Variants in FSCN2 observed in about 807,000 individuals in gnomAD.
FSCN2 encodes fascin actin-bundling protein 2, retinal.
Under a neutral mutation model 37.8 loss-of-function variants are expected in FSCN2, and 46 were observed. The ratio of observed to expected loss-of-function variants is 1.22; its 90% CI spans 0.96 to 1.56. FSCN2 has a LOEUF of 1.56. FSCN2 is among the 40% of genes most tolerant of loss of function. The pLI, the probability that FSCN2 is intolerant of heterozygous loss-of-function variation, is 0.00. For missense variants in FSCN2, 844 were observed against 730.4 expected (o/e 1.16, Z -1.79); for synonymous variants, 351 against 309.4 (o/e 1.13, Z -1.41).
intron 1 of FSCN2, among the ~76,000 whole-genome samples, chr17:81,531,272 GGCGGTGGTGAT>G (rs2032555044): frequency 1.1e-5 from 1 of 87,764 alleles, no homozygotes; most frequent in African/African-American, 6.1e-5. Flanking sequence ...TGGTGGTGAT[GGCGGTGGTGAT>G]GGTGATGGTG....
At chr17:81,523,010 T>C in the FSCN2 span, among the ~76,000 whole-genome samples, 1 of 152,194 alleles carries the variant, frequency 6.6e-6, no homozygotes, top group African/African-American at 2.4e-5. Context: ...CTTTTGTCCT[T>C]GCTGGGGTCC....
At chr17:81,528,296 C>T, upstream of FSCN2, 1 of 560,126 alleles carries the variant, frequency 1.8e-6, no homozygotes, top group Admixed American at 3.1e-5. Context: ...TCCTAAGCCG[C>T]ACGTCTCTGA....
intron 1 of FSCN2, among the ~76,000 whole-genome samples, chr17:81,531,679 TG>T (rs1568077882): frequency 7.3e-6 from 1 of 137,670 alleles, no homozygotes; most frequent in Non-Finnish European, 1.5e-5. Flanking sequence ...ATGGTGATGA[TG>T]ATGGTGATGA....
rs557443473 is a variant in FSCN2 at position 81,528,985 on chromosome 17, G to A, written c.454G>A (p.Val152Met). 29 of 1,584,490 alleles carry A rather than the reference G, an allele frequency of 1.8e-5. No homozygotes were observed. The Admixed American group carries it at 2.1e-4, about 11-fold the overall frequency. The change falls in exon 1 of 5, where the codon GTG (valine) becomes ATG (methionine). Residue 152 changes from valine (V) to methionine (M), a missense_variant. Physicochemically the swap from Val to Met is conservative, Grantham distance 21 (BLOSUM62 1). Transcript: ENST00000417245. The part of the protein sequence containing the change: ...HLLSVSRRRY[V>M]HLCPREDEMA... ...GCTGAGCGTGAGCCGGCGGCGCTACGTGCACCTGTGCCCGCGGGAGGACGA... is the reference window on the plus strand; with the variant it reads ...GCTGAGCGTGAGCCGGCGGCGCTACATGCACCTGTGCCCGCGGGAGGACGA...
intron 1 of FSCN2, 35 bp downstream of exon 1, chr17:81,529,392 T>TCCCA: frequency 2.0e-6 from 3 of 1,474,792 alleles, no homozygotes; most frequent in Non-Finnish European, 2.8e-6. Context: ...TCCTGAGGGG[T>TCCCA]GCTGGGACCC....
upstream of FSCN2, among the ~76,000 whole-genome samples, chr17:81,528,101 A>AG (rs1167600893): frequency 6.6e-6 from 1 of 151,678 alleles, no homozygotes; most frequent in East Asian, 1.9e-4. Flanking sequence ...GGGTTGGAGG[A>AG]GGGGGGCAGG....
Position 81,537,092 on chromosome 17 carries a change from G to C in FSCN2, c.*12G>C, listed in dbSNP as rs1227311790. ...TTTGGGAGTACTGAGGCCGCGCCCA[G>C]ACCAGCCTGTCGCGCATTAAAACCG... On this transcript the variant is annotated 3_prime_UTR_variant, in exon 5 of 5. Coordinates refer to ENST00000417245, the MANE Select transcript of FSCN2 (RefSeq NM_012418.4). The C allele has an allele frequency of 4.2e-6, 6 of 1,415,410 alleles. No individual in the cohort carries two copies. The highest frequency in any genetic ancestry group is 5.5e-6 in the Non-Finnish European group (6 of 1,091,328). 87.7% of individuals were successfully genotyped at this position (1,415,410 alleles called of 1,614,324 possible).
At chr17:81,516,386 A>G in the FSCN2 span, among the ~76,000 whole-genome samples, 1 of 152,250 alleles carries the variant, frequency 6.6e-6, no homozygotes. Flanking sequence ...AAGTTCTCCC[A>G]TAATAAAAAG....
At chr17:81,524,200 G>A (rs545126846), upstream of FSCN2, among the ~76,000 whole-genome samples, 12 of 152,362 alleles carry the variant, frequency 7.9e-5, 1 homozygote, top group African/African-American at 2.9e-4. Flanking sequence ...TGCCCAGCTG[G>A]CCCCGCACTG....
At chr17:81,520,818 A>G in the FSCN2 span, among the ~76,000 whole-genome samples, 1 of 151,728 alleles carries the variant, frequency 6.6e-6, no homozygotes, top group Non-Finnish European at 1.5e-5. Flanking sequence ...TATCTTGGCT[A>G]CTTCCTAGGC....
At chr17:81,528,234 G>A (rs1304376846), upstream of FSCN2, among the ~76,000 whole-genome samples, 3 of 152,216 alleles carry the variant, frequency 2.0e-5, no homozygotes, top group Admixed American at 6.5e-5. Context: ...TCTGGGCTCT[G>A]TGCAATCCGG....
chr17:81,527,951 G>A (rs1292753416), upstream of FSCN2, among the ~76,000 whole-genome samples: 2 of 152,340 alleles, frequency 1.3e-5, no homozygotes, highest in African/African-American at 4.8e-5. Context: ...AATCAGAGAA[G>A]CAGTAACTGG....
Position 81,537,011 on chromosome 17 carries a change from C to G in FSCN2, c.1410C>G (p.Arg470=). The change falls in exon 5 of 5, where the codon CGC becomes CGG. Residue 470 remains arginine, a synonymous_variant. Transcript: ENST00000417245. Reference sequence around the variant, plus strand: ...GCGCCCGGAGCGGCAAGTACCTGCGCGGCGGCGCCTCGGGCCTGCTGCGGG... The same window carrying G: ...GCGCCCGGAGCGGCAAGTACCTGCGGGGCGGCGCCTCGGGCCTGCTGCGGG... ...AIRARSGKYL[R]GGASGLLRAD... 1 of 1,507,366 alleles carries G rather than the reference C, an allele frequency of 6.6e-7. No individual in the cohort carries two copies. Among genetic ancestry groups the G allele is most frequent in the Non-Finnish European group, 8.8e-7 (1 of 1,134,640 alleles). 93.4% of individuals were successfully genotyped at this position (1,507,366 alleles called of 1,614,324 possible).
chr17:81,520,859 C>G, the FSCN2 span, among the ~76,000 whole-genome samples: 1 of 152,294 alleles, frequency 6.6e-6, no homozygotes, highest in South Asian at 2.1e-4. Flanking sequence ...TGTATTATTT[C>G]TTTTACAATT....
chr17:81,527,520 C>G (rs1274413083), upstream of FSCN2: 1 of 152,552 alleles, frequency 6.6e-6, no homozygotes, highest in East Asian at 1.9e-4. Flanking sequence ...ACAGGTGTGA[C>G]CACTTCCAGT....
Position 81,533,867 on chromosome 17 carries a change from G to A in FSCN2, c.827-1185G>A, listed in dbSNP as rs139106418. ...GTGCTGGCCTGGGAGGTGCAGTGGC[G>A]GGGGGAGCCCTGCGATGCTGTGGCT... is the stretch of plus-strand genomic sequence containing the variant. On this transcript the variant is annotated intron_variant, in intron 1 of 4. Transcript: ENST00000417245. Among the ~76,000 whole-genome samples the A allele has an allele frequency of 7.9e-5, 12 of 152,226 alleles. No individual in the cohort carries two copies. In the South Asian group the frequency reaches 8.3e-4, roughly 11 times the overall value.
Position 81,536,988 on chromosome 17 carries a change from G to C in FSCN2, c.1387G>C (p.Ala463Pro), listed in dbSNP as rs1230878675. ...FRERGRLAIR[A>P]RSGKYLRGGA... ...TGAGCGCGGCCGCCTGGCCATCCGCGCCCGGAGCGGCAAGTACCTGCGCGG... is the reference window on the plus strand; with the variant it reads ...TGAGCGCGGCCGCCTGGCCATCCGCCCCCGGAGCGGCAAGTACCTGCGCGG... Residue 463 changes from alanine to proline, a missense_variant, in exon 5 of 5, where the codon GCC becomes CCC. By Grantham distance (27) the Ala-to-Pro change is conservative (BLOSUM62 -1). Coordinates refer to ENST00000417245, the MANE Select transcript of FSCN2 (RefSeq NM_012418.4). The C allele has an allele frequency of 6.5e-7, 1 of 1,527,602 alleles. No individual in the cohort carries two copies. Among genetic ancestry groups the C allele is most frequent in the Non-Finnish European group, 8.7e-7 (1 of 1,145,212 alleles). The allele number at this position is 1,527,602 out of a possible 1,614,324, so 94.6% of individuals were successfully genotyped here.
chr17:81,531,732 GTGA>G (rs1568078062), intron 1 of FSCN2, among the ~76,000 whole-genome samples: 2 of 122,952 alleles, frequency 1.6e-5, no homozygotes, highest in East Asian at 5.0e-4. Context: ...GATGGTGATG[GTGA>G]TGATGGTGAT....
rs1555670511 is a variant in FSCN2, at chr17:81,528,583, A to G, written c.52A>G (p.Asn18Asp). Residue 18 changes from asparagine to aspartate, a missense_variant, in exon 1 of 5, where the codon AAC becomes GAC. Physicochemically the swap from Asn to Asp is conservative, Grantham distance 23 (BLOSUM62 1). Transcript: ENST00000417245. ...GCTGAAGATCCAGTTTGGCCTCGTCAACGACACTGACCGCTACCTGACAGC... is the reference window on the plus strand; with the variant it reads ...GCTGAAGATCCAGTTTGGCCTCGTCGACGACACTGACCGCTACCTGACAGC... ...QVLKIQFGLV[N>D]DTDRYLTAES... 6 of 1,609,088 alleles carry G rather than the reference A, an allele frequency of 3.7e-6. No homozygotes were observed. Among genetic ancestry groups the G allele is most frequent in the Non-Finnish European group, 5.1e-6 (6 of 1,178,156 alleles).
Sources: gnomAD v4.1 joint callset for allele counts (sites outside exome capture counted in the v4.1 genomes callset) on GRCh38, gnomAD v4.1.1 for gene constraint, MANE v1.5 for transcripts, NCBI Gene and HGNC (gene_info 2026-07-23, HGNC 2026-07-21) for gene names.